The following BNIP3 variants were observed in gnomAD, a reference collection of about 807,000 sequenced individuals.
BNIP3 encodes BCL2/adenovirus E1B 19 kDa protein-interacting protein 3.
A neutral mutation model predicts 23.9 loss-of-function variants in BNIP3; 16 were observed. The observed-to-expected ratio is 0.67, with a 90% CI of 0.45 to 1.01. BNIP3 has a LOEUF of 1.01. Among genes scored for constraint, BNIP3 ranks in the 50% least tolerant of loss-of-function variants. The probability of loss-of-function intolerance (pLI) is 0.00; values close to 1 mark genes in which losing one functional copy is unlikely to be tolerated. For missense variants in BNIP3, 198 were observed against 248.7 expected (o/e 0.80, Z 1.37); for synonymous variants, 81 against 89.3 (o/e 0.91, Z 0.53).
intron 1 of BNIP3, among the ~76,000 whole-genome samples, chr10:131,975,152 A>C (rs1472193707): frequency 6.6e-6 from 1 of 152,126 alleles, no homozygotes; most frequent in Non-Finnish European, 1.5e-5. Flanking sequence ...TTAGATCCAA[A>C]ATCTACATGG....
chr10:131,972,195 C>CT (rs1345667387), intron 3 of BNIP3, among the ~76,000 whole-genome samples: 2 of 152,136 alleles, frequency 1.3e-5, no homozygotes, highest in Admixed American at 6.5e-5. Flanking sequence ...TCCTCTAAGA[C>CT]TCACTCCGCT....
intron 5 of BNIP3, 85 bp from the exon 6 acceptor site, chr10:131,968,654 G>A (rs767832388): frequency 3.2e-6 from 4 of 1,246,408 alleles, no homozygotes; most frequent in Non-Finnish European, 4.7e-6. Context: ...GCTCACTGTG[G>A]TTAGAGCTTA....
At chr10:131,974,288 G>T (rs1433809560) in intron 1 of BNIP3, among the ~76,000 whole-genome samples, 1 of 152,164 alleles carries the variant, frequency 6.6e-6, no homozygotes, top group Non-Finnish European at 1.5e-5. Flanking sequence ...TAAGAAAAAG[G>T]CTATTATTTG....
Position 131,979,803 on chromosome 10 carries a change from A to G in BNIP3, c.46+1958T>C, listed in dbSNP as rs547119846. On this transcript the variant is annotated intron_variant, in intron 1 of 5. Coordinates refer to ENST00000368636, the MANE Select transcript of BNIP3 (RefSeq NM_004052.4). Reference sequence around the variant, plus strand: ...CTTTAGGAAAAGCAGTTGGCCCCAGAGGGTACACTCAGAGGAGAGAGTGCT... The same window carrying G: ...CTTTAGGAAAAGCAGTTGGCCCCAGGGGGTACACTCAGAGGAGAGAGTGCT... Among the ~76,000 whole-genome samples, 5 of 152,364 alleles carry G rather than the reference A, an allele frequency of 3.3e-5. No individual in the cohort carries two copies. The South Asian group carries it at 1.0e-3, about 32-fold the overall frequency.
In BNIP3 at chr10:131,970,599, G is replaced by A. The variant is rs577927255; in HGVS notation, c.539+39C>T. On this transcript the variant is annotated intron_variant, in intron 5 of 5. Coordinates refer to ENST00000368636, the MANE Select transcript of BNIP3 (RefSeq NM_004052.4). This position sits in a 1 kb window ranked among gnomAD's most constrained non-coding sequence, Gnocchi z 4.1. Reference sequence around the variant, plus strand: ...TCACTGCAACCCAGAATCGCCCCACGACATGCCATGACAGGAGTCACACAG... The same window carrying A: ...TCACTGCAACCCAGAATCGCCCCACAACATGCCATGACAGGAGTCACACAG... The A allele has an allele frequency of 2.7e-5, 43 of 1,605,190 alleles. No individual in the cohort carries two copies. The highest frequency in any genetic ancestry group is 2.0e-4 in the Middle Eastern group (1 of 5,086).
Position 131,973,863 on chromosome 10 carries a change from T to C in BNIP3, c.127A>G (p.Met43Val), listed in dbSNP as rs767742686. The change falls in exon 2 of 6, where the codon ATG (methionine) becomes GTG (valine). Residue 43 changes from methionine (M) to valine (V), a missense_variant. Physicochemically the swap from Met to Val is conservative, Grantham distance 21. Coordinates refer to ENST00000368636, the MANE Select transcript of BNIP3 (RefSeq NM_004052.4). ...PASVSIYNGDMEKILLDAQHE... is the reference protein window; with the variant it reads ...PASVSIYNGDVEKILLDAQHE... ...TGTGCGTCCAGCAGTATTTTTTCCATGTCTCCATTATAAATAGAAACCGAG... is the reference window on the plus strand; with the variant it reads ...TGTGCGTCCAGCAGTATTTTTTCCACGTCTCCATTATAAATAGAAACCGAG... 9 of 1,612,908 alleles carry C rather than the reference T, an allele frequency of 5.6e-6. No homozygotes were observed. The East Asian group carries it at 1.6e-4, about 28-fold the overall frequency.
intron 1 of BNIP3, 79 bp downstream of exon 1, chr10:131,981,682 T>A: frequency 7.6e-7 from 1 of 1,308,430 alleles, no homozygotes; most frequent in South Asian, 1.5e-5. Flanking sequence ...CCCGGCAACC[T>A]CCCCTTGGCG....
chr10:131,977,161 C>T (rs1295512491), intron 1 of BNIP3, among the ~76,000 whole-genome samples: 3 of 151,946 alleles, frequency 2.0e-5, no homozygotes, highest in Admixed American at 6.6e-5. Flanking sequence ...CCCAGCTACT[C>T]GGGAAGCTGA....
intron 3 of BNIP3, among the ~76,000 whole-genome samples, chr10:131,972,425 T>TTA (rs2037043334): frequency 6.6e-6 from 1 of 152,288 alleles, no homozygotes; most frequent in African/African-American, 2.4e-5. Context: ...TTACACTAAA[T>TTA]TATCAGGCTG....
intron 1 of BNIP3, chr10:131,981,384 G>T (rs959332343): frequency 3.2e-6 from 1 of 314,966 alleles, no homozygotes; most frequent in African/African-American, 2.1e-5. Flanking sequence ...ATACTGGTCT[G>T]AACTACAGAC....
At chr10:131,972,947 CT>C in intron 3 of BNIP3, 86 bp downstream of exon 3, 1 of 1,346,444 alleles carries the variant, frequency 7.4e-7, no homozygotes, top group Non-Finnish European at 1.0e-6. Flanking sequence ...CGACTTTTCT[CT>C]GAGGTGCTCA....
chr10:131,977,329 G>A (rs1203528257), intron 1 of BNIP3, among the ~76,000 whole-genome samples: 4 of 152,152 alleles, frequency 2.6e-5, no homozygotes, highest in Non-Finnish European at 4.4e-5. Flanking sequence ...CTCTGCACCA[G>A]GAAGTAGGTA....
chr10:131,971,361 G>A (rs994169465), intron 3 of BNIP3: 1 of 247,306 alleles, frequency 4.0e-6, no homozygotes, highest in Non-Finnish European at 7.9e-6. Flanking sequence ...AGCCGAAAAC[G>A]GCTCAAAACA....
At chr10:131,972,597 AC>A (rs1442060641) in intron 3 of BNIP3, among the ~76,000 whole-genome samples, 1 of 152,002 alleles carries the variant, frequency 6.6e-6, no homozygotes, top group Non-Finnish European at 1.5e-5. Flanking sequence ...CCCGTGGGTA[AC>A]TCCTGAGTCC....
At chr10:131,972,081 A>G (rs2037038750) in intron 3 of BNIP3, among the ~76,000 whole-genome samples, 2 of 152,072 alleles carry the variant, frequency 1.3e-5, no homozygotes, top group South Asian at 2.1e-4. Context: ...ACTGCCAGAT[A>G]TAACTGAGCA....
chr10:131,973,071 G>C lies in BNIP3; in HGVS notation c.245C>G (p.Thr82Arg). 6.2e-7 allele frequency: 1 copy of C among 1,613,798 alleles called. No individual in the cohort carries two copies. The highest frequency in any genetic ancestry group is 1.7e-4 in the Middle Eastern group (1 of 6,060). The change falls in exon 3 of 6, where the codon ACA becomes AGA. Residue 82 changes from threonine to arginine, a missense_variant. Physicochemically the swap from Thr to Arg is moderately conservative, Grantham distance 71 (BLOSUM62 -1). Transcript: ENST00000368636. The stretch of plus-strand genomic sequence containing the variant: ...TTTCTCTCCAATGCTATGGGTATCT[G>C]TTTCAGAAGCTCTGTTGGTATCTTG... Reference protein sequence around the residue: ...TPQDTNRASETDTHSIGEKNS... With the variant: ...TPQDTNRASERDTHSIGEKNS...
Position 131,973,047 on chromosome 10 carries a change from T to G in BNIP3, c.269A>C (p.Lys90Thr). Reference protein sequence around the residue: ...SETDTHSIGEKNSSQSEEDDI... With the variant: ...SETDTHSIGETNSSQSEEDDI... ...CTTCCAGCTTACCTGTGAGCTGTTT[T>G]TCTCTCCAATGCTATGGGTATCTGT... Residue 90 changes from lysine to threonine, a missense_variant, in exon 3 of 6, where the codon AAA becomes ACA. Lys to Thr is a moderately conservative substitution (Grantham distance 78). Transcript: ENST00000368636. 1 of 1,613,662 alleles carries G rather than the reference T, an allele frequency of 6.2e-7. No homozygotes were observed. Among genetic ancestry groups the G allele is most frequent in the Non-Finnish European group, 8.5e-7 (1 of 1,179,542 alleles).
Position 131,972,462 on chromosome 10 carries a change from G to A in BNIP3, c.282+572C>T, listed in dbSNP as rs1292771340. 2.6e-5 allele frequency among the ~76,000 whole-genome samples: 4 copies of A among 152,158 alleles called. 1 individual carries two copies. The highest frequency in any genetic ancestry group is 4.1e-4 in the South Asian group (2 of 4,820). On this transcript the variant is annotated intron_variant, in intron 3 of 5. Transcript: ENST00000368636. ...TCAGCCGCTAATGCTACACTGCTCCGGCACCAGTTAGCTCAGGACTAATGC... is the reference window on the plus strand; with the variant it reads ...TCAGCCGCTAATGCTACACTGCTCCAGCACCAGTTAGCTCAGGACTAATGC...
chr10:131,979,823 AGT>A (rs1337017352), intron 1 of BNIP3, among the ~76,000 whole-genome samples: 1 of 152,226 alleles, frequency 6.6e-6, no homozygotes, highest in African/African-American at 2.4e-5. Flanking sequence ...CAGAGGAGAG[AGT>A]GCTTGCTGCT....
Sources: gnomAD v4.1 joint callset for allele counts (sites outside exome capture counted in the v4.1 genomes callset) on GRCh38, gnomAD v4.1.1 for gene constraint, Gnocchi (gnomAD v3.1) non-coding constraint, MANE v1.5 for transcripts, NCBI Gene and HGNC (gene_info 2026-07-23, HGNC 2026-07-21) for gene names.